The following HYDIN variants were observed in gnomAD, a reference collection of about 807,000 sequenced individuals.
The protein encoded by HYDIN is HYDIN axonemal central pair apparatus protein.
HYDIN carries 132 observed loss-of-function variants against 403.9 expected under a neutral mutation model. The observed-to-expected ratio is 0.33, with a 90% confidence interval of 0.28 to 0.38. The LOEUF (loss-of-function observed/expected upper bound fraction) is 0.38, where lower values mean the gene tolerates loss of function less well. HYDIN is among the 10% of genes least tolerant of loss of function. The pLI is 1.00. For synonymous variants in HYDIN, 1,202 were observed against 1,891.7 expected, an observed-to-expected ratio of 0.64 and a Z score of 9.46; for missense variants, 2,827 against 5,009.5, an observed-to-expected ratio of 0.56 and a Z score of 13.15.
chr16:71,204,141 A>C (rs547404810), intron 1 of HYDIN: 1 of 172,546 alleles, frequency 5.8e-6, no homozygotes, highest in Non-Finnish European at 1.2e-5. Flanking sequence ...ATTTTCTCCA[A>C]GTGCTAACAA....
intron 50 of HYDIN, among the ~76,000 whole-genome samples, chr16:70,905,718 T>C (rs1227139516): frequency 1.3e-5 from 2 of 151,540 alleles, no homozygotes; most frequent in African/African-American, 4.9e-5. Flanking sequence ...TGGATTACCA[T>C]AGTCACTGTC....
At chr16:70,964,988 T>G in intron 36 of HYDIN, 92 bp from the exon 37 acceptor site, 2 of 678,028 alleles carry the variant, frequency 2.9e-6, no homozygotes, top group Non-Finnish European at 5.1e-6. Context: ...ATAAAACTCC[T>G]GCTCCTGCCT....
At chr16:71,122,812 G>A (rs995079336) in intron 9 of HYDIN, among the ~76,000 whole-genome samples, 1 of 151,442 alleles carries the variant, frequency 6.6e-6, no homozygotes, top group African/African-American at 2.4e-5. Flanking sequence ...GTTAAATTAA[G>A]CTTAAGCTTC....
At chr16:70,900,484 A>G (rs1209661943) in intron 53 of HYDIN, among the ~76,000 whole-genome samples, 1 of 147,498 alleles carries the variant, frequency 6.8e-6, no homozygotes, top group Non-Finnish European at 1.5e-5. Flanking sequence ...CTCAAAAAAA[A>G]AAAAAAAAAG....
intron 85 of HYDIN, among the ~76,000 whole-genome samples, chr16:70,809,347 G>A (rs1371066921): frequency 6.6e-6 from 1 of 152,200 alleles, no homozygotes; most frequent in Non-Finnish European, 1.5e-5. Flanking sequence ...TAGCAATCCT[G>A]CAAGGTTGGG....
intron 7 of HYDIN, among the ~76,000 whole-genome samples, chr16:71,138,127 CA>C (rs1233037429): frequency 1.4e-5 from 2 of 143,784 alleles, no homozygotes; most frequent in Non-Finnish European, 3.0e-5. Context: ...CAAGAAGACA[CA>C]AACCTATAAA....
chr16:71,135,356 T>C (rs1298550294), intron 8 of HYDIN, among the ~76,000 whole-genome samples: 1 of 149,960 alleles, frequency 6.7e-6, no homozygotes, highest in Non-Finnish European at 1.5e-5. Flanking sequence ...AATTATATTC[T>C]CTATAGTTTA....
intron 1 of HYDIN, among the ~76,000 whole-genome samples, chr16:71,229,725 C>T (rs777247876): frequency 5.3e-5 from 8 of 152,230 alleles, no homozygotes; most frequent in Non-Finnish European, 1.0e-4. Context: ...TCATTAGTTG[C>T]TATGGGCTGG....
intron 18 of HYDIN, among the ~76,000 whole-genome samples, chr16:71,060,104 C>G (rs1035131435): frequency 4.6e-5 from 7 of 151,830 alleles, no homozygotes; most frequent in African/African-American, 1.7e-4. Flanking sequence ...AAAGAGACAT[C>G]TAAAAAGTGT....
chr16:70,824,520 C>T (rs1257954110), intron 83 of HYDIN, among the ~76,000 whole-genome samples: 1 of 150,806 alleles, frequency 6.6e-6, no homozygotes, highest in African/African-American at 2.4e-5. Context: ...TTGTACTTTC[C>T]TCTTTGATTC....
At chr16:71,054,104 G>A (rs866565461) in intron 18 of HYDIN, among the ~76,000 whole-genome samples, 3 of 152,384 alleles carry the variant, frequency 2.0e-5, no homozygotes, top group Non-Finnish European at 4.4e-5. Context: ...AACACAGCAC[G>A]TGCTAGGCAT....
chr16:71,012,497 T>C (rs1341433605), intron 23 of HYDIN, among the ~76,000 whole-genome samples: 1 of 152,176 alleles, frequency 6.6e-6, no homozygotes, highest in African/African-American at 2.4e-5. Context: ...GAGGGCCAAC[T>C]TGGGGAAAAA....
intron 21 of HYDIN, among the ~76,000 whole-genome samples, chr16:71,021,413 C>T (rs996621954): frequency 1.3e-5 from 2 of 151,948 alleles, no homozygotes; most frequent in Non-Finnish European, 2.9e-5. Flanking sequence ...GATGGGGTTT[C>T]ACTATGTTGG....
At chr16:70,954,262 G>A (rs2078158463) in intron 40 of HYDIN, among the ~76,000 whole-genome samples, 1 of 94,392 alleles carries the variant, frequency 1.1e-5, no homozygotes, top group African/African-American at 4.2e-5. Flanking sequence ...GATTGCTTGA[G>A]GCCAGGAGTT....
At chr16:70,913,421 G>A (rs1257380429) in intron 47 of HYDIN, among the ~76,000 whole-genome samples, 1 of 151,718 alleles carries the variant, frequency 6.6e-6, no homozygotes, top group Non-Finnish European at 1.5e-5. Flanking sequence ...TAATTTTCAT[G>A]TATTTGCATG....
intron 10 of HYDIN, among the ~76,000 whole-genome samples, chr16:71,110,448 AATAT>A (rs1555645303): frequency 7.0e-6 from 1 of 142,034 alleles, no homozygotes; most frequent in Non-Finnish European, 1.5e-5. Flanking sequence ...TAAATAATAT[AATAT>A]ATAAATATAT....
At chr16:70,836,997 C>T (rs2037471623) in intron 77 of HYDIN, among the ~76,000 whole-genome samples, 4 of 152,376 alleles carry the variant, frequency 2.6e-5, no homozygotes, top group Admixed American at 2.0e-4. Flanking sequence ...ACACCCCTCC[C>T]CTGGTTGCCG....
intron 18 of HYDIN, among the ~76,000 whole-genome samples, chr16:71,054,913 G>A (rs1478263480): frequency 6.6e-6 from 1 of 152,122 alleles, no homozygotes; most frequent in African/African-American, 2.4e-5. Flanking sequence ...ATATACAATT[G>A]AAGGCATTTT....
chr16:70,974,767 C>T (rs913969090), intron 31 of HYDIN, 97 bp from the exon 32 acceptor site: 172 of 656,618 alleles, frequency 2.6e-4, no homozygotes, highest in Non-Finnish European at 4.1e-4. Context: ...ACCTCCTGTG[C>T]ACAGTTTTAT....
Sources: allele counts gnomAD v4.1 joint callset (sites outside exome capture counted in the v4.1 genomes callset), GRCh38; gene constraint gnomAD v4.1.1; transcripts MANE v1.5; gene names NCBI Gene and HGNC (gene_info 2026-07-23, HGNC 2026-07-21).